PODN: variants seen among roughly 807,000 people sequenced by gnomAD.
PODN encodes the protein podocan proteoglycan.
Under a neutral mutation model 52.7 loss-of-function variants are expected in PODN, and 40 were observed. That is an observed-to-expected ratio of 0.76 (90% CI 0.59 to 0.99). The LOEUF is 0.99. Among genes scored for constraint, PODN ranks in the 50% least tolerant of loss-of-function variants. PODN has a pLI of 0.00. For synonymous variants in PODN, 396 were observed against 377.9 expected, an observed-to-expected ratio of 1.05 and a Z score of -0.56; for missense variants, 720 against 815.1, an observed-to-expected ratio of 0.88 and a Z score of 1.42.
At chr1:53,073,665 T>C (rs1298023999) in intron 3 of PODN, 1 of 152,230 alleles carries the variant, frequency 6.6e-6, no homozygotes, top group Non-Finnish European at 1.5e-5. Flanking sequence ...CTTTGTAACA[T>C]AAAATGGAAA....
chr1:53,075,736 T>C (rs1644184596), intron 4 of PODN, 126 bp from the exon 5 acceptor site: 1 of 738,110 alleles, frequency 1.4e-6, no homozygotes. Context: ...CAAGTTTCAA[T>C]TTGAGAAAGA....
intron 1 of PODN, among the ~76,000 whole-genome samples, chr1:53,067,880 C>A (rs1410547807): frequency 6.7e-6 from 1 of 148,220 alleles, no homozygotes; most frequent in Non-Finnish European, 1.5e-5. Flanking sequence ...TGCACCACTG[C>A]ACTCCAGCCT....
At position 53,082,072 on chromosome 1, in the gene PODN, T is replaced by C; in HGVS notation, c.1753T>C (p.Phe585Leu). The change falls in exon 10 of 11, where the codon TTT (phenylalanine) becomes CTT (leucine). Residue 585 changes from phenylalanine to leucine, a missense_variant. By Grantham distance (22) the Phe-to-Leu change is conservative (BLOSUM62 0). Transcript: ENST00000312553. Reference protein sequence around the residue: ...QVLDIEGNLEFGDISKDRGRL... With the variant: ...QVLDIEGNLELGDISKDRGRL... ...CTTGGACATTGAAGGCAACTTAGAG[T>C]TTGGTGACATTTCCAAGGACCGTGG... 1 of 1,613,134 alleles carries C rather than the reference T, an allele frequency of 6.2e-7. No individual in the cohort carries two copies. The highest frequency in any genetic ancestry group is 8.5e-7 in the Non-Finnish European group (1 of 1,179,730).
At chr1:53,072,086 TA>T (rs1181705456) in intron 3 of PODN, among the ~76,000 whole-genome samples, 1 of 145,030 alleles carries the variant, frequency 6.9e-6, no homozygotes, top group African/African-American at 2.5e-5. Flanking sequence ...ATAAAATAAA[TA>T]AAAAATAAAA....
chr1:53,077,905 C>T (rs768966940), intron 7 of PODN, 105 bp downstream of exon 7: 16 of 839,482 alleles, frequency 1.9e-5, no homozygotes, highest in South Asian at 8.4e-5. Flanking sequence ...CGTCCCCTGC[C>T]CACCTTCCCT....
rs17107831 is a variant in PODN at position 53,069,827 on chromosome 1, C to T, written c.-29C>T. Reference sequence around the variant, plus strand: ...TTCCGTCAGCCCTGGCGCCCAGGCGCATCTGACTCGGCACCCCCTGCAGGC... The same window carrying T: ...TTCCGTCAGCCCTGGCGCCCAGGCGTATCTGACTCGGCACCCCCTGCAGGC... On this transcript the variant is annotated 5_prime_UTR_variant, in exon 2 of 11. Transcript: ENST00000312553. 0.056 allele frequency: 88,222 copies of T among 1,581,738 alleles called. 2,849 individuals carry two copies. The highest frequency in any genetic ancestry group is 0.12 in the Middle Eastern group (626 of 5,158).
Position 53,071,584 on chromosome 1 carries a change from G to A in PODN, c.362G>A (p.Arg121Gln), listed in dbSNP as rs145022506. The change falls in exon 3 of 11, where the codon CGG (arginine) becomes CAG (glutamine). Residue 121 changes from arginine to glutamine, a missense_variant. Physicochemically the swap from Arg to Gln is conservative, Grantham distance 43 (BLOSUM62 1). Transcript: ENST00000312553. Reference protein sequence around the residue: ...IYPEELSRLHRLETLNLQNNR... With the variant: ...IYPEELSRLHQLETLNLQNNR... ...CCTGAGGAGCTCTCCCGGCTGCACC[G>A]GCTGGAGACGCTGAACCTGCAAAAC... 7.7e-5 allele frequency: 124 copies of A among 1,613,974 alleles called. No individual in the cohort carries two copies. In the African/African-American group the frequency reaches 1.1e-3, roughly 14 times the overall value.
Position 53,078,547 on chromosome 1 carries a change from G to C in PODN, c.1037G>C (p.Arg346Pro). The change falls in exon 8 of 11, where the codon CGG becomes CCG. Residue 346 changes from arginine to proline, a missense_variant. Physicochemically the swap from Arg to Pro is moderately radical, Grantham distance 103. Coordinates refer to ENST00000312553, the MANE Select transcript of PODN (RefSeq NM_153703.5). ...CTGCTGCTGCACAGCAACCAGCTGC[G>C]GGAGCAGGGCATCCACCCACTGGCC... The part of the protein sequence containing the change: ...EYLLLHSNQL[R>P]EQGIHPLAFQ... 6.2e-7 allele frequency: 1 copy of C among 1,613,158 alleles called. No homozygotes were observed. Among genetic ancestry groups the C allele is most frequent in the Non-Finnish European group, 8.5e-7 (1 of 1,180,026 alleles).
chr1:53,076,387 C>T (rs1018502420), intron 5 of PODN, among the ~76,000 whole-genome samples: 3 of 152,228 alleles, frequency 2.0e-5, no homozygotes, highest in African/African-American at 4.8e-5. Context: ...CAGTGCCCTT[C>T]CATCCCTGCG....
In PODN at chr1:53,078,547, G is replaced by T. The variant is rs148954257; in HGVS notation, c.1037G>T (p.Arg346Leu). Residue 346 changes from arginine to leucine, a missense_variant, in exon 8 of 11, where the codon CGG becomes CTG. By Grantham distance (102) the Arg-to-Leu change is moderately radical. Transcript: ENST00000312553. Reference sequence around the variant, plus strand: ...CTGCTGCTGCACAGCAACCAGCTGCGGGAGCAGGGCATCCACCCACTGGCC... The same window carrying T: ...CTGCTGCTGCACAGCAACCAGCTGCTGGAGCAGGGCATCCACCCACTGGCC... Reference protein sequence around the residue: ...EYLLLHSNQLREQGIHPLAFQ... With the variant: ...EYLLLHSNQLLEQGIHPLAFQ... 6.2e-7 allele frequency: 1 copy of T among 1,613,156 alleles called. No homozygotes were observed. The highest frequency in any genetic ancestry group is 8.5e-7 in the Non-Finnish European group (1 of 1,180,026).
intron 1 of PODN, 36 bp downstream of exon 1, chr1:53,062,344 C>T: frequency 8.1e-7 from 1 of 1,230,140 alleles, no homozygotes; most frequent in Non-Finnish European, 1.0e-6. Context: ...GGCCGAGGGG[C>T]CGGGGGCTGA....
rs188492603 is a variant in PODN, at chr1:53,062,420, C to T, written c.-56+112C>T. ...GCTCCAGCAGCTGCCTGGGGCGGGC[C>T]CGCCGCATCTCACCCCCTCTGTAGG... On this transcript the variant is annotated intron_variant, in intron 1 of 10. Transcript: ENST00000312553. The T allele has an allele frequency of 5.1e-5, 40 of 787,332 alleles. No homozygotes were observed. The East Asian group carries it at 1.4e-3, about 27-fold the overall frequency. The allele number at this position is 787,332 out of a possible 1,614,324, so 48.8% of individuals were successfully genotyped here. A position where few individuals can be genotyped will look rare whatever the true frequency, so the allele number is the denominator to read the frequency against.
intron 2 of PODN, among the ~76,000 whole-genome samples, chr1:53,070,546 C>G (rs914898579): frequency 2.0e-5 from 3 of 152,244 alleles, no homozygotes; most frequent in Non-Finnish European, 4.4e-5. Flanking sequence ...GTAGACCTGA[C>G]AGAATACTCT....
In PODN at chr1:53,078,943, G is replaced by A. The variant is rs367646206; in HGVS notation, c.1433G>A (p.Arg478His). ...GCGCTGGTGGGCATGGCTCAGCTGCGTGAGCTGTACCTCACCAGCAACCGA... is the reference window on the plus strand; with the variant it reads ...GCGCTGGTGGGCATGGCTCAGCTGCATGAGCTGTACCTCACCAGCAACCGA... ...RGALVGMAQL[R>H]ELYLTSNRLR... The change falls in exon 8 of 11, where the codon CGT becomes CAT. Residue 478 changes from arginine (R) to histidine (H), a missense_variant. Coordinates refer to ENST00000312553, the MANE Select transcript of PODN (RefSeq NM_153703.5). The A allele has an allele frequency of 1.1e-4, 178 of 1,586,208 alleles. 3 individuals are homozygous for A. The South Asian group carries it at 1.3e-3, about 12-fold the overall frequency.
intron 3 of PODN, among the ~76,000 whole-genome samples, chr1:53,071,842 T>C (rs903210083): frequency 2.6e-5 from 4 of 151,756 alleles, no homozygotes; most frequent in African/African-American, 9.7e-5. Context: ...ACTACACGGA[T>C]ATTTCTTTCT....
chr1:53,081,022 C>T (rs1011469065), intron 9 of PODN, 146 bp downstream of exon 9: 55 of 1,135,416 alleles, frequency 4.8e-5, no homozygotes, highest in Admixed American at 2.1e-4. Flanking sequence ...CAGTCCTGGC[C>T]AGGCCCGATA....
intron 9 of PODN, 120 bp downstream of exon 9, chr1:53,080,996 A>C (rs1354473479): frequency 7.4e-7 from 1 of 1,356,626 alleles, no homozygotes; most frequent in Non-Finnish European, 1.0e-6. Flanking sequence ...CACGGCTCAG[A>C]TCTCAAGGGT....
chr1:53,076,483 G>C (rs1557654013), intron 5 of PODN, among the ~76,000 whole-genome samples: 1 of 152,040 alleles, frequency 6.6e-6, no homozygotes, highest in South Asian at 2.1e-4. Flanking sequence ...GGCTCAAGAC[G>C]GGCCACACAG....
chr1:53,072,597 C>T (rs1644135437), intron 3 of PODN, among the ~76,000 whole-genome samples: 1 of 152,216 alleles, frequency 6.6e-6, no homozygotes, highest in African/African-American at 2.4e-5. Flanking sequence ...GCCCTCCCAT[C>T]CTTGTGTCTC....
Sources: allele counts gnomAD v4.1 joint callset (sites outside exome capture counted in the v4.1 genomes callset), GRCh38; gene constraint gnomAD v4.1.1; transcripts MANE v1.5; gene names NCBI Gene and HGNC (gene_info 2026-07-23, HGNC 2026-07-21).